RIT2: variants seen among roughly 807,000 people sequenced by gnomAD.
RIT2 encodes the protein Ras like without CAAX 2.
In RIT2, 24 loss-of-function variants were observed where a neutral mutation model predicts 23.7. That is an observed-to-expected ratio of 1.01 (90% CI 0.73 to 1.43). RIT2 has a LOEUF of 1.43. Ranked by LOEUF, RIT2 falls within the 40% of genes most tolerant of loss-of-function variation. The probability of loss-of-function intolerance (pLI) is 0.00; values close to 1 mark genes in which losing one functional copy is unlikely to be tolerated. For synonymous variants in RIT2, 107 were observed against 91.1 expected (o/e 1.17, Z -0.99); for missense variants, 236 against 266.9 (o/e 0.88, Z 0.81).
chr18:42,787,271 T>C (rs553895692), intron 4 of RIT2, among the ~76,000 whole-genome samples: 12 of 151,932 alleles, frequency 7.9e-5, no homozygotes, highest in African/African-American at 1.7e-4. Context: ...AGAATGATGG[T>C]TTCCAGTTTC....
intron 3 of RIT2, among the ~76,000 whole-genome samples, chr18:42,956,484 C>T (rs981269501): frequency 5.3e-5 from 8 of 152,220 alleles, no homozygotes; most frequent in African/African-American, 1.7e-4. Flanking sequence ...ATAAATGAAA[C>T]ATGTACTTGA....
In RIT2 at chr18:42,965,711, C is replaced by CTTTTTTTTTTTTTTTT. The variant is rs58344278; in HGVS notation, c.234+8347_234+8362dup. Among the ~76,000 whole-genome samples the CTTTTTTTTTTTTTTTT allele has an allele frequency of 6.9e-4, 26 of 37,786 alleles. 6 individuals carry two copies. The highest frequency in any genetic ancestry group is 9.4e-4 in the African/African-American group (10 of 10,618). The allele number at this position is 37,786 out of a possible 152,430, so 24.8% of individuals were successfully genotyped here. A position where few individuals can be genotyped will look rare whatever the true frequency, so the allele number is the denominator to read the frequency against. ...GGTAAACAAAGATGTGTACTGATGGCTTTTTTTTTTTTTTTTTTTTTTTTT... is the reference window on the plus strand; with the variant it reads ...GGTAAACAAAGATGTGTACTGATGGCTTTTTTTTTTTTTTTTTTTTTTTTTTTTTTTTTTTTTTTTT... On this transcript the variant is annotated intron_variant, in intron 3 of 4. Coordinates refer to ENST00000326695, the MANE Select transcript of RIT2 (RefSeq NM_002930.4).
At chr18:42,870,956 C>A (rs1463355582) in intron 4 of RIT2, among the ~76,000 whole-genome samples, 2 of 152,114 alleles carry the variant, frequency 1.3e-5, no homozygotes, top group Non-Finnish European at 2.9e-5. Context: ...GGTGAACTTT[C>A]TCATCAACAG....
At position 42,951,672 on chromosome 18, in the gene RIT2, G is replaced by A. The variant is rs542528734; in HGVS notation, c.234+22402C>T. Among the ~76,000 whole-genome samples the A allele has an allele frequency of 3.5e-4, 54 of 152,124 alleles. 1 individual carries two copies. Among genetic ancestry groups the A allele is most frequent in the Admixed American group, 1.6e-3 (24 of 15,250 alleles). ...TATTCAACCAATTGAATTGAAATCA[G>A]TATCTCAAAGAGATATTTGCACTCC... On this transcript the variant is annotated intron_variant, in intron 3 of 4. Coordinates refer to ENST00000326695, the MANE Select transcript of RIT2 (RefSeq NM_002930.4).
At chr18:42,750,488 C>T (rs1268702008) in intron 4 of RIT2, among the ~76,000 whole-genome samples, 2 of 151,802 alleles carry the variant, frequency 1.3e-5, no homozygotes, top group Non-Finnish European at 3.0e-5. Flanking sequence ...ATGCAGCACT[C>T]CCTTTGAATT....
chr18:42,753,390 G>T (rs1913091036), intron 4 of RIT2, among the ~76,000 whole-genome samples: 1 of 152,126 alleles, frequency 6.6e-6, no homozygotes, highest in Admixed American at 6.6e-5. Context: ...ACACTGCTTT[G>T]CTATAATTGC....
intron 4 of RIT2, among the ~76,000 whole-genome samples, chr18:42,916,246 T>G (rs1341483177): frequency 6.6e-6 from 1 of 152,118 alleles, no homozygotes; most frequent in Non-Finnish European, 1.5e-5. Flanking sequence ...GACAACATTT[T>G]GAGAACCACA....
At chr18:43,059,492 A>C (rs774876670) in intron 1 of RIT2, among the ~76,000 whole-genome samples, 4 of 152,266 alleles carry the variant, frequency 2.6e-5, no homozygotes, top group Non-Finnish European at 5.9e-5. Flanking sequence ...AAATTGGACT[A>C]GTATAGCATA....
intron 4 of RIT2, among the ~76,000 whole-genome samples, chr18:42,889,985 T>G (rs909036306): frequency 6.6e-6 from 1 of 152,030 alleles, no homozygotes; most frequent in Non-Finnish European, 1.5e-5. Context: ...CCCCTTCCCA[T>G]CTCCTCCAAA....
At chr18:42,932,579 T>C (rs1909353204) in intron 3 of RIT2, among the ~76,000 whole-genome samples, 2 of 152,160 alleles carry the variant, frequency 1.3e-5, no homozygotes. Flanking sequence ...AAAAGCTGTC[T>C]CTCTTACCAT....
At chr18:42,884,449 A>G (rs1193771226) in intron 4 of RIT2, among the ~76,000 whole-genome samples, 2 of 152,186 alleles carry the variant, frequency 1.3e-5, no homozygotes, top group African/African-American at 4.8e-5. Context: ...ATCTTTCATG[A>G]TGATTGATAG....
chr18:43,044,314 A>G (rs540615276), intron 1 of RIT2, among the ~76,000 whole-genome samples: 10 of 152,306 alleles, frequency 6.6e-5, no homozygotes, highest in Non-Finnish European at 1.5e-4. Context: ...ATGCATTTCT[A>G]CAATGAAAGA....
chr18:42,760,540 T>G (rs1206465579), intron 4 of RIT2, among the ~76,000 whole-genome samples: 1 of 152,136 alleles, frequency 6.6e-6, no homozygotes, highest in African/African-American at 2.4e-5. Flanking sequence ...TCTGTGTTAG[T>G]CAAAACAGTA....
intron 4 of RIT2, among the ~76,000 whole-genome samples, chr18:42,868,553 G>T (rs145645208): frequency 6.6e-6 from 1 of 152,276 alleles, no homozygotes; most frequent in Non-Finnish European, 1.5e-5. Context: ...TTAAATGAGT[G>T]CTTGTTAGAT....
At chr18:43,044,312 C>A (rs1912197716) in intron 1 of RIT2, among the ~76,000 whole-genome samples, 1 of 152,018 alleles carries the variant, frequency 6.6e-6, no homozygotes, top group South Asian at 2.1e-4. Flanking sequence ...TAATGCATTT[C>A]TACAATGAAA....
chr18:42,972,577 G>T (rs1210019382), intron 3 of RIT2, among the ~76,000 whole-genome samples: 2 of 151,750 alleles, frequency 1.3e-5, no homozygotes, highest in South Asian at 2.1e-4. Context: ...AACTCTAATA[G>T]AACATGAATC....
chr18:42,883,451 A>G (rs1412754250), intron 4 of RIT2, among the ~76,000 whole-genome samples: 1 of 152,172 alleles, frequency 6.6e-6, no homozygotes, highest in East Asian at 1.9e-4. Context: ...TGTTGAAGAA[A>G]TTGGACATTA....
intron 2 of RIT2, among the ~76,000 whole-genome samples, chr18:43,023,587 A>G (rs1243171114): frequency 6.6e-6 from 1 of 152,084 alleles, no homozygotes; most frequent in Non-Finnish European, 1.5e-5. Flanking sequence ...ATAGATGAGG[A>G]AAGACCAGCA....
At chr18:42,981,731 T>C (rs1278209926) in intron 2 of RIT2, among the ~76,000 whole-genome samples, 1 of 152,000 alleles carries the variant, frequency 6.6e-6, no homozygotes, top group East Asian at 1.9e-4. Flanking sequence ...GAAAAATATA[T>C]AAATATGACA....
Sources: allele counts gnomAD v4.1 joint callset (sites outside exome capture counted in the v4.1 genomes callset), GRCh38; gene constraint gnomAD v4.1.1; transcripts MANE v1.5; gene names NCBI Gene and HGNC (gene_info 2026-07-23, HGNC 2026-07-21).